ATP8B4: variants seen among roughly 807,000 people sequenced by gnomAD.
The protein encoded by ATP8B4 is probable phospholipid-transporting ATPase IM.
ATP8B4 carries 133 observed loss-of-function variants against 145.6 expected under a neutral mutation model. The ratio of observed to expected loss-of-function variants is 0.91; its 90% confidence interval spans 0.79 to 1.05. The LOEUF is 1.05. Among genes scored for constraint, ATP8B4 ranks in the 50% least tolerant of loss-of-function variants. The pLI, the probability that ATP8B4 is intolerant of heterozygous loss-of-function variation, is 0.00. For missense variants in ATP8B4, 1,458 were observed against 1,425.2 expected, an observed-to-expected ratio of 1.02 and a Z score of -0.37; for synonymous variants, 507 against 492.9, an observed-to-expected ratio of 1.03 and a Z score of -0.38.
chr15:50,134,148 AAATT>A (rs1374923143), intron 1 of ATP8B4, among the ~76,000 whole-genome samples: 1 of 107,374 alleles, frequency 9.3e-6, no homozygotes, highest in Admixed American at 1.0e-4. Context: ...AAGGAAAAAT[AAATT>A]AATATGTAAG....
chr15:49,861,473 T>C (rs10152820), intron 27 of ATP8B4, among the ~76,000 whole-genome samples: 53,341 of 135,216 alleles, frequency 0.39, 10,739 homozygotes, highest in Middle Eastern at 0.5. Flanking sequence ...TATCTATCTA[T>C]CTACCTACCT....
At chr15:50,082,637 T>C (rs1380165264) in intron 2 of ATP8B4, among the ~76,000 whole-genome samples, 3 of 152,226 alleles carry the variant, frequency 2.0e-5, no homozygotes, top group Admixed American at 6.5e-5. Context: ...AACTGGATTA[T>C]ACAAATTACA....
At chr15:50,002,476 C>T (rs944022802) in intron 7 of ATP8B4, among the ~76,000 whole-genome samples, 2 of 152,074 alleles carry the variant, frequency 1.3e-5, no homozygotes, top group East Asian at 1.9e-4. Flanking sequence ...TTAATAGCCA[C>T]TTGATTCACC....
chr15:49,920,272 A>G lies in ATP8B4; in HGVS notation c.1897T>C (p.Tyr633His). ...ATCAAATCTCTTTCAATTTCTTCAT[A>G]TAGCCCAGCTATTCGTTCATCCCTC... ...EERDERIAGL[Y>H]EEIERDLMLL... Residue 633 changes from tyrosine to histidine, a missense_variant, in exon 18 of 28, where the codon TAT becomes CAT. Physicochemically the swap from Tyr to His is moderately conservative, Grantham distance 83 (BLOSUM62 2). Transcript: ENST00000284509. 6.2e-7 allele frequency: 1 copy of G among 1,614,134 alleles called. No individual in the cohort carries two copies. The highest frequency in any genetic ancestry group is 8.5e-7 in the Non-Finnish European group (1 of 1,180,008).
chr15:49,898,339 C>G, intron 21 of ATP8B4, 88 bp from the exon 22 acceptor site: 1 of 1,341,842 alleles, frequency 7.5e-7, no homozygotes, highest in Admixed American at 2.2e-5. Flanking sequence ...TTGCTAAAAC[C>G]ATTTCATTTG....
chr15:50,139,675 G>A lies in ATP8B4; in HGVS notation c.-42-32667C>T, dbSNP rs75249154. On this transcript the variant is annotated intron_variant, in intron 1 of 3. Transcript: ENST00000558829. ...AGAGTGACTGTAATAGATCAGACTA[G>A]TAGTTCAGGCATTAAGTAGTTCTCA... Among the ~76,000 whole-genome samples, 617 of 152,296 alleles carry A rather than the reference G, an allele frequency of 4.1e-3. 7 individuals are homozygous for A. The highest frequency in any genetic ancestry group is 0.014 in the African/African-American group (576 of 41,562).
intron 1 of ATP8B4, among the ~76,000 whole-genome samples, chr15:50,163,200 A>T (rs1195450593): frequency 6.6e-6 from 1 of 152,196 alleles, no homozygotes; most frequent in Non-Finnish European, 1.5e-5. Context: ...GTGACTAGGC[A>T]TTGAAGAGTT....
intron 12 of ATP8B4, among the ~76,000 whole-genome samples, chr15:49,976,036 C>T (rs1403702877): frequency 1.3e-5 from 2 of 152,134 alleles, no homozygotes; most frequent in African/African-American, 4.8e-5. Flanking sequence ...TTATATGCTT[C>T]AAGTTCTAAA....
intron 3 of ATP8B4, among the ~76,000 whole-genome samples, chr15:50,066,415 C>T (rs1014305713): frequency 1.4e-4 from 22 of 152,240 alleles, no homozygotes; most frequent in Non-Finnish European, 2.6e-4. Flanking sequence ...CTAATTCCAA[C>T]GTGTCACACT....
At chr15:49,882,242 G>C (rs538657416) in intron 23 of ATP8B4, among the ~76,000 whole-genome samples, 1 of 152,244 alleles carries the variant, frequency 6.6e-6, no homozygotes, top group Admixed American at 6.5e-5. Context: ...AGAGCAGTGC[G>C]ACCCCACAGG....
chr15:49,869,310 T>G (rs1423337119), intron 25 of ATP8B4, among the ~76,000 whole-genome samples: 1 of 151,796 alleles, frequency 6.6e-6, no homozygotes, highest in Non-Finnish European at 1.5e-5. Context: ...GAAAATAATA[T>G]TAATATAGCA....
At chr15:50,081,382 C>T (rs754664571) in intron 2 of ATP8B4, among the ~76,000 whole-genome samples, 6 of 152,156 alleles carry the variant, frequency 3.9e-5, no homozygotes, top group Non-Finnish European at 7.4e-5. Flanking sequence ...AAGGAAATCA[C>T]TCAAGCTTGA....
In ATP8B4 at chr15:49,987,261, T is replaced by A; in HGVS notation, c.748+130A>T. On this transcript the variant is annotated intron_variant, in intron 10 of 27. Coordinates refer to ENST00000284509, the MANE Select transcript of ATP8B4 (RefSeq NM_024837.4). ...TCTCCTGGCATCCTACAATCTTAAG[T>A]CAACTCCAGAGCACGACTTTGCATG... The A allele has an allele frequency of 2.6e-6, 3 of 1,143,544 alleles. No individual in the cohort carries two copies. In the South Asian group the frequency reaches 5.9e-5, roughly 23 times the overall value. 70.8% of individuals were successfully genotyped at this position (1,143,544 alleles called of 1,614,324 possible).
intron 1 of ATP8B4, among the ~76,000 whole-genome samples, chr15:50,115,043 A>C (rs1231050457): frequency 6.6e-6 from 1 of 152,190 alleles, no homozygotes; most frequent in Non-Finnish European, 1.5e-5. Context: ...TCGAATCGTG[A>C]GTGTAGGCCA....
chr15:49,876,741 G>T, intron 24 of ATP8B4: 1 of 740,144 alleles, frequency 1.4e-6, no homozygotes, highest in Non-Finnish European at 2.3e-6. Flanking sequence ...GAGTCTCCAA[G>T]AGAGATTCAT....
chr15:50,032,268 A>C (rs2050506148), intron 6 of ATP8B4, among the ~76,000 whole-genome samples: 2 of 151,710 alleles, frequency 1.3e-5, no homozygotes, highest in African/African-American at 4.9e-5. Flanking sequence ...CCCACTTATG[A>C]ATGAGAACAT....
chr15:50,073,019 T>TAC (rs373934302), intron 3 of ATP8B4, among the ~76,000 whole-genome samples: 1,300 of 32,166 alleles, frequency 0.04, 35 homozygotes, highest in South Asian at 0.06. Context: ...TATATATATA[T>TAC]ACACACACAC....
chr15:49,882,043 C>T (rs1413335428), intron 23 of ATP8B4, among the ~76,000 whole-genome samples: 1 of 152,198 alleles, frequency 6.6e-6, no homozygotes, highest in Non-Finnish European at 1.5e-5. Context: ...CCTGCTATGG[C>T]AGAGTCTGTG....
Position 49,973,339 on chromosome 15 carries a change from G to A in ATP8B4, c.1035-549C>T, listed in dbSNP as rs1011085229. Among the ~76,000 whole-genome samples the A allele has an allele frequency of 1.1e-4, 16 of 152,310 alleles. 1 individual carries two copies. Among genetic ancestry groups the A allele is most frequent in the Admixed American group, 7.2e-4 (11 of 15,296 alleles). ...GCTGCTGCCACTGATCTGACAGGAG[G>A]CAGAGCTCAGGTCTGTGGCCTGGGA... On this transcript the variant is annotated intron_variant, in intron 12 of 27. Coordinates refer to ENST00000284509, the MANE Select transcript of ATP8B4 (RefSeq NM_024837.4).
Sources: allele counts gnomAD v4.1 joint callset (sites outside exome capture counted in the v4.1 genomes callset), GRCh38; gene constraint gnomAD v4.1.1; transcripts MANE v1.5; gene names NCBI Gene and HGNC (gene_info 2026-07-23, HGNC 2026-07-21).